SMG1: variants seen among roughly 807,000 people sequenced by gnomAD.
SMG1 encodes serine/threonine-protein kinase SMG1.
Under a neutral mutation model 419.9 loss-of-function variants are expected in SMG1, and 22 were observed. The observed-to-expected ratio is 0.05, with a 90% CI of 0.04 to 0.07. SMG1 has a LOEUF of 0.07. Ranked by LOEUF, SMG1 falls within the 10% of genes least tolerant of loss-of-function variation. The probability of loss-of-function intolerance (pLI) is 1.00; values close to 1 mark genes in which losing one functional copy is unlikely to be tolerated. For synonymous variants in SMG1, 1,538 were observed against 1,553.5 expected, an observed-to-expected ratio of 0.99 and a Z score of 0.23; for missense variants, 3,185 against 4,342.0, an observed-to-expected ratio of 0.73 and a Z score of 7.49.
intron 46 of SMG1, among the ~76,000 whole-genome samples, chr16:18,837,027 CACCT>C (rs1244688436): frequency 2.0e-5 from 3 of 152,178 alleles, no homozygotes; most frequent in African/African-American, 4.8e-5. Context: ...CCACTACACC[CACCT>C]ATCTCCCATA....
chr16:18,870,532 C>A (rs1270430976), intron 18 of SMG1, 78 bp downstream of exon 18: 7 of 801,350 alleles, frequency 8.7e-6, no homozygotes, highest in Non-Finnish European at 1.5e-5. Context: ...AATAGGTGAT[C>A]TGTCTTCTCC....
At position 18,811,748 on chromosome 16, in the gene SMG1, A is replaced by C. The variant is rs2031421926; in HGVS notation, c.10908+13T>G. ...GCATTAAAATGTGTAGCCCAAGTTT[A>C]AAACACGGTCACCTGTTCAGCAACT... is the stretch of plus-strand genomic sequence containing the variant. On this transcript the variant is annotated intron_variant, in intron 62 of 62. Transcript: ENST00000446231. The C allele has an allele frequency of 1.2e-6, 2 of 1,611,824 alleles. No homozygotes were observed. The highest frequency in any genetic ancestry group is 1.7e-6 in the Non-Finnish European group (2 of 1,177,970).
At chr16:18,899,154 T>C (rs1280385366) in intron 1 of SMG1, among the ~76,000 whole-genome samples, 1 of 152,138 alleles carries the variant, frequency 6.6e-6, no homozygotes, top group East Asian at 1.9e-4. Context: ...CAAGACAAGT[T>C]TTTACAGTCA....
At chr16:18,887,505 AT>A (rs763320532) in intron 6 of SMG1, among the ~76,000 whole-genome samples, 10,196 of 87,164 alleles carry the variant, frequency 0.12, 567 homozygotes, top group African/African-American at 0.18. Context: ...CGCCCGACTT[AT>A]TTTTTTTTCC....
intron 1 of SMG1, among the ~76,000 whole-genome samples, chr16:18,923,413 A>C (rs2038272059): frequency 6.6e-6 from 1 of 152,202 alleles, no homozygotes; most frequent in South Asian, 2.1e-4. Context: ...GGGAGGCCAA[A>C]GCAGGCGGAT....
Position 18,866,678 on chromosome 16 carries a change from G to A in SMG1, c.3293C>T (p.Ser1098Phe), listed in dbSNP as rs770621366. The A allele has an allele frequency of 5.0e-6, 8 of 1,594,366 alleles. No homozygotes were observed. The African/African-American group carries it at 1.1e-4, about 21-fold the overall frequency. Residue 1098 changes from serine (S) to phenylalanine (F), a missense_variant, in exon 23 of 63, where the codon TCT becomes TTT. By Grantham distance (155) the Ser-to-Phe change is radical. This residue lies in a region of SMG1 where 121 missense variants were observed against 125.4 expected (regional missense o/e 0.96). Transcript: ENST00000446231. ...CCACAGAAGATTTTTTCCAACAATA[G>A]ATGATGACCAGACAGCAATTCCCTG... ...AIQGIAVWSS[S>F]IVGKNLLWIN...
intron 3 of SMG1, among the ~76,000 whole-genome samples, chr16:18,895,146 AT>A (rs1333775097): frequency 2.0e-5 from 3 of 152,136 alleles, no homozygotes; most frequent in Admixed American, 6.5e-5. Flanking sequence ...GCACTCACCT[AT>A]ACAGTGAGGC....
intron 56 of SMG1, among the ~76,000 whole-genome samples, chr16:18,819,193 G>T (rs138859963): frequency 1.3e-5 from 2 of 152,122 alleles, no homozygotes; most frequent in Admixed American, 6.5e-5. Context: ...CAAATCTTTG[G>T]ATCACTTTAG....
Position 18,841,680 on chromosome 16 carries a change from G to C in SMG1, c.6581C>G (p.Ser2194Cys). The C allele has an allele frequency of 6.2e-7, 1 of 1,613,994 alleles. No homozygotes were observed. Among genetic ancestry groups the C allele is most frequent in the Non-Finnish European group, 8.5e-7 (1 of 1,179,888 alleles). Residue 2194 changes from serine (S) to cysteine (C), a missense_variant, in exon 41 of 63, where the codon TCT (serine) becomes TGT (cysteine). Ser to Cys is a moderately radical substitution (Grantham distance 112). Around this residue, in one of 27 missense-constraint regions of SMG1, gnomAD observed 3 missense variants for 16.9 expected, o/e 0.18. Transcript: ENST00000446231. ...ETPRFHARHYSVTPLGTRSGL... is the reference protein window; with the variant it reads ...ETPRFHARHYCVTPLGTRSGL... ...TGATCTTGTTCCTAGTGGTGTTACA[G>C]AATAGTGTCGAGCATGGAACCGGGG...
chr16:18,867,390 C>T (rs1243419335), intron 22 of SMG1, among the ~76,000 whole-genome samples: 2 of 151,746 alleles, frequency 1.3e-5, no homozygotes, highest in Non-Finnish European at 2.9e-5. Flanking sequence ...AAAACTTAGC[C>T]GAGTATGGTG....
chr16:18,874,705 A>G (rs2036009451), intron 13 of SMG1, among the ~76,000 whole-genome samples: 4 of 150,194 alleles, frequency 2.7e-5, no homozygotes, highest in Admixed American at 2.7e-4. Flanking sequence ...GTCTCTACTA[A>G]AAATACAAAA....
intron 1 of SMG1, among the ~76,000 whole-genome samples, chr16:18,910,180 C>T (rs1410101627): frequency 4.0e-5 from 6 of 151,838 alleles, no homozygotes; most frequent in African/African-American, 1.5e-4. Context: ...AATCCTCCCA[C>T]CTCAGCCTCC....
chr16:18,842,131 T>C (rs1053242849), intron 40 of SMG1, 77 bp downstream of exon 40: 35 of 1,453,608 alleles, frequency 2.4e-5, no homozygotes, highest in Non-Finnish European at 3.3e-5. Flanking sequence ...AATCTCCTAC[T>C]ATACACACCC....
intron 1 of SMG1, among the ~76,000 whole-genome samples, chr16:18,897,810 A>C (rs1216952631): frequency 6.6e-6 from 1 of 151,344 alleles, no homozygotes; most frequent in Non-Finnish European, 1.5e-5. Flanking sequence ...CTATCAAGAA[A>C]GAAGACAACA....
intron 39 of SMG1, among the ~76,000 whole-genome samples, chr16:18,843,585 T>C (rs2034049988): frequency 6.6e-6 from 1 of 152,160 alleles, no homozygotes; most frequent in African/African-American, 2.4e-5. Context: ...AAAGAATAAA[T>C]TGTGGTATTT....
intron 29 of SMG1, chr16:18,857,710 T>C (rs1286183501): frequency 1.3e-5 from 2 of 152,790 alleles, no homozygotes; most frequent in African/African-American, 2.4e-5. Context: ...AATAGCGCAA[T>C]GTGAAAAAAC....
chr16:18,878,089 A>T (rs1475908475), intron 11 of SMG1: 1 of 152,152 alleles, frequency 6.6e-6, no homozygotes, highest in Non-Finnish European at 1.5e-5. Flanking sequence ...AAGTGAGGGG[A>T]GGATATTTAT....
In SMG1 at chr16:18,833,020, C is replaced by T; in HGVS notation, c.8712G>A (p.Val2904=). 2 of 1,613,944 alleles carry T rather than the reference C, an allele frequency of 1.2e-6. No homozygotes were observed. Among genetic ancestry groups the T allele is most frequent in the Non-Finnish European group, 1.7e-6 (2 of 1,179,884 alleles). Residue 2904 remains valine, a synonymous_variant, in exon 51 of 63, where the codon GTG becomes GTA. Transcript: ENST00000446231. ...TTDGVPLQTL[V]ESLQAYLRNA... is the part of the protein sequence containing the mutation. ...TTCTTAAGTAGGCCTGAAGAGATTCCACTAGAGTCTGCAGGGGAACGCCAT... is the reference window on the plus strand; with the variant it reads ...TTCTTAAGTAGGCCTGAAGAGATTCTACTAGAGTCTGCAGGGGAACGCCAT...
rs2033039039 is a variant in SMG1 at position 18,829,813 on chromosome 16, A to G, written c.9134-58T>C. 4 of 1,485,464 alleles carry G rather than the reference A, an allele frequency of 2.7e-6. No individual in the cohort carries two copies. The East Asian group carries it at 9.2e-5, about 34-fold the overall frequency. The allele number at this position is 1,485,464 out of a possible 1,614,324, so 92.0% of individuals were successfully genotyped here. On this transcript the variant is annotated intron_variant, in intron 53 of 62. Transcript: ENST00000446231. ...AAAAAAATCAGGTAATATGCTGCTT[A>G]TTTATAGTATTTAAGGTGTCATGAA...
Sources: allele counts gnomAD v4.1 joint callset (sites outside exome capture counted in the v4.1 genomes callset), GRCh38; gene constraint gnomAD v4.1.1; regional missense constraint gnomAD v4.1.1; transcripts MANE v1.5; gene names NCBI Gene and HGNC (gene_info 2026-07-23, HGNC 2026-07-21).